RHBDL2: variants seen among roughly 807,000 people sequenced by gnomAD.
RHBDL2 encodes the protein rhomboid-related protein 2.
In RHBDL2, 26 loss-of-function variants were observed where a neutral mutation model predicts 31.7. The observed-to-expected ratio is 0.82, with a 90% CI of 0.60 to 1.14. RHBDL2 has a LOEUF of 1.14. Ranked by LOEUF, RHBDL2 falls within the 50% of genes most tolerant of loss-of-function variation. The pLI is 0.00. For synonymous variants in RHBDL2, 123 were observed against 127.2 expected, an observed-to-expected ratio of 0.97 and a Z score of 0.22; for missense variants, 336 against 364.4, an observed-to-expected ratio of 0.92 and a Z score of 0.63.
chr1:38,906,701 A>G (rs1340395575), intron 4 of RHBDL2, among the ~76,000 whole-genome samples: 1 of 152,124 alleles, frequency 6.6e-6, no homozygotes, highest in Non-Finnish European at 1.5e-5. Context: ...ACATGCACAA[A>G]TCAATTGTGT....
At position 38,891,035 on chromosome 1, in the gene RHBDL2, G is replaced by A. The variant is rs78658309; in HGVS notation, c.670+2129C>T. Among the ~76,000 whole-genome samples the A allele has an allele frequency of 7.8e-3, 1,191 of 152,164 alleles. 30 individuals carry two copies. In the East Asian group the frequency reaches 0.1, roughly 13 times the overall value. On this transcript the variant is annotated intron_variant, in intron 6 of 7. Transcript: ENST00000372990. ...TGTAATCTCATCACTTTGGGAGGCTGAGGTGAGTGGATCACCTGAGGTCAG... is the reference window on the plus strand; with the variant it reads ...TGTAATCTCATCACTTTGGGAGGCTAAGGTGAGTGGATCACCTGAGGTCAG...
At chr1:38,917,635 A>G (rs925786339) in intron 2 of RHBDL2, among the ~76,000 whole-genome samples, 3 of 152,194 alleles carry the variant, frequency 2.0e-5, no homozygotes, top group African/African-American at 7.2e-5. Context: ...CAGATGTCTC[A>G]GATCCGGACG....
intron 1 of RHBDL2, among the ~76,000 whole-genome samples, chr1:38,933,686 C>G (rs529833104): frequency 6.6e-6 from 1 of 151,692 alleles, no homozygotes; most frequent in African/African-American, 2.4e-5. Context: ...AACACATGGC[C>G]GGCGATGTTT....
chr1:38,936,711 G>C (rs1244467456), intron 1 of RHBDL2, among the ~76,000 whole-genome samples: 1 of 151,932 alleles, frequency 6.6e-6, no homozygotes, highest in Non-Finnish European at 1.5e-5. Flanking sequence ...TGTTGGCCAG[G>C]CTGGTCTGGA....
In RHBDL2 at chr1:38,938,327, A is replaced by G. The variant is rs186143101; in HGVS notation, c.-126+3355T>C. On this transcript the variant is annotated intron_variant, in intron 1 of 7. Transcript: ENST00000372990. ...ACCGCGCCCAGCCAAAATCTTTTCA[A>G]TGGGTATCCAATGTCTTTGGTTTAA... Among the ~76,000 whole-genome samples the G allele has an allele frequency of 5.9e-4, 90 of 152,212 alleles. No homozygotes were observed. The East Asian group carries it at 0.013, about 22-fold the overall frequency.
intron 1 of RHBDL2, among the ~76,000 whole-genome samples, chr1:38,928,477 G>A (rs908490600): frequency 8.9e-5 from 13 of 146,516 alleles, no homozygotes; most frequent in African/African-American, 2.6e-4. Flanking sequence ...ACAGAGTTTC[G>A]CTCTTGTTGC....
chr1:38,924,265 CAT>C (rs1010067453), intron 1 of RHBDL2, among the ~76,000 whole-genome samples: 2 of 151,932 alleles, frequency 1.3e-5, no homozygotes, highest in African/African-American at 4.8e-5. Context: ...CAAGAGGAAA[CAT>C]AGAAAGATCC....
chr1:38,894,524 C>G (rs1422918422), intron 5 of RHBDL2, among the ~76,000 whole-genome samples: 1 of 150,260 alleles, frequency 6.7e-6, no homozygotes, highest in Non-Finnish European at 1.5e-5. Flanking sequence ...GGTTTCACCA[C>G]GTTGGCCAGG....
rs1342830050 is a variant in RHBDL2, at chr1:38,915,442, G to T, written c.395+120C>A. The T allele has an allele frequency of 5.1e-6, 5 of 976,468 alleles. No individual in the cohort carries two copies. The Admixed American group carries it at 9.0e-5, about 18-fold the overall frequency. The allele number at this position is 976,468 out of a possible 1,614,324, so 60.5% of individuals were successfully genotyped here. A position where few individuals can be genotyped will look rare whatever the true frequency, so the allele number is the denominator to read the frequency against. On this transcript the variant is annotated intron_variant, in intron 3 of 7. Coordinates refer to ENST00000372990, the MANE Select transcript of RHBDL2 (RefSeq NM_017821.5). ...AGTGGGAGCAATACCTACCCCTTAG[G>T]GTTGCTGTGAAGATTATGGACATGA...
chr1:38,918,870 T>C (rs752735898), intron 2 of RHBDL2, 97 bp downstream of exon 2: 57 of 1,454,584 alleles, frequency 3.9e-5, no homozygotes, highest in Middle Eastern at 5.0e-4. Flanking sequence ...CTCTCTCCCA[T>C]GTTCCCAGTC....
rs1557606432 is a variant in RHBDL2 at position 38,888,007 on chromosome 1, AT to A, written c.687del (p.Phe230LeufsTer44). 7 of 1,612,874 alleles carry A rather than the reference AT, an allele frequency of 4.3e-6. No homozygotes were observed. On this transcript the variant is annotated frameshift_variant, in exon 7 of 8. Coordinates refer to ENST00000372990, the MANE Select transcript of RHBDL2 (RefSeq NM_017821.5). LOFTEE classifies it high-confidence loss of function. The part of the protein sequence containing the change: ...IIILIIVLDM[G>X]FALYRRFFVP... ...ACAAAGAACCTTCTATAGAGAGCAA[AT>A]CCCATGTCCAACACAACTAGAAGGA...
chr1:38,914,428 G>A (rs1643201091), intron 3 of RHBDL2, among the ~76,000 whole-genome samples: 1 of 151,706 alleles, frequency 6.6e-6, no homozygotes, highest in Non-Finnish European at 1.5e-5. Context: ...TTTTAGTAGA[G>A]ACGGGGTTTT....
intron 4 of RHBDL2, among the ~76,000 whole-genome samples, chr1:38,905,621 T>G (rs1443528759): frequency 6.6e-6 from 1 of 150,408 alleles, no homozygotes; most frequent in African/African-American, 2.4e-5. Flanking sequence ...GGTGTGGTAC[T>G]GCATGCCTGT....
intron 5 of RHBDL2, 102 bp downstream of exon 5, chr1:38,895,867 T>C (rs971594787): frequency 4.2e-6 from 3 of 706,562 alleles, no homozygotes; most frequent in Non-Finnish European, 7.3e-6. Flanking sequence ...GAAAATTGAG[T>C]GCTCAGTAAA....
chr1:38,938,915 A>C (rs775467567), intron 1 of RHBDL2, among the ~76,000 whole-genome samples: 5 of 152,250 alleles, frequency 3.3e-5, no homozygotes, highest in Non-Finnish European at 7.3e-5. Context: ...TACCTAGTCC[A>C]TGGAATGCAT....
At position 38,922,941 on chromosome 1, in the gene RHBDL2, A is replaced by G. The variant is rs180737121; in HGVS notation, c.-125-3604T>C. Among the ~76,000 whole-genome samples, 4 of 152,256 alleles carry G rather than the reference A, an allele frequency of 2.6e-5. No individual in the cohort carries two copies. The East Asian group carries it at 7.7e-4, about 29-fold the overall frequency. On this transcript the variant is annotated intron_variant, in intron 1 of 7. Coordinates refer to ENST00000372990, the MANE Select transcript of RHBDL2 (RefSeq NM_017821.5). ...ACCCATCTCCGTTAAAAATACAAAA[A>G]TTAGCTGGGCATGGTAGCAAGACCT...
At chr1:38,932,832 G>A (rs1215727478) in intron 1 of RHBDL2, among the ~76,000 whole-genome samples, 1 of 152,116 alleles carries the variant, frequency 6.6e-6, no homozygotes, top group Non-Finnish European at 1.5e-5. Flanking sequence ...ATCAGAACCA[G>A]AAGACAGAAT....
At chr1:38,925,741 A>G (rs1158943862) in intron 1 of RHBDL2, among the ~76,000 whole-genome samples, 1 of 152,202 alleles carries the variant, frequency 6.6e-6, no homozygotes, top group Non-Finnish European at 1.5e-5. Flanking sequence ...CTTTGTTTAT[A>G]TCACTGGCAC....
chr1:38,903,474 A>G (rs1190133111), intron 4 of RHBDL2, among the ~76,000 whole-genome samples: 1 of 152,162 alleles, frequency 6.6e-6, no homozygotes, highest in East Asian at 1.9e-4. Context: ...TACCCTTTCT[A>G]ATACATCAAA....
Sources: allele counts gnomAD v4.1 joint callset (sites outside exome capture counted in the v4.1 genomes callset), GRCh38; gene constraint gnomAD v4.1.1; transcripts MANE v1.5; gene names NCBI Gene and HGNC (gene_info 2026-07-23, HGNC 2026-07-21).